ZFYVE28: variants seen among roughly 807,000 people sequenced by gnomAD.
ZFYVE28 encodes lateral signaling target protein 2 homolog.
ZFYVE28 carries 40 observed loss-of-function variants against 82.1 expected under a neutral mutation model. That is an observed-to-expected ratio of 0.49 (90% CI 0.38 to 0.63). The LOEUF is 0.63. Among genes scored for constraint, ZFYVE28 ranks in the 30% least tolerant of loss-of-function variants. The pLI is 0.00. For synonymous variants in ZFYVE28, 612 were observed against 546.1 expected, an observed-to-expected ratio of 1.12 and a Z score of -1.68; for missense variants, 1,321 against 1,242.1, an observed-to-expected ratio of 1.06 and a Z score of -0.96.
intron 8 of ZFYVE28, among the ~76,000 whole-genome samples, chr4:2,290,850 T>A (rs1198076031): frequency 1.3e-5 from 2 of 152,206 alleles, no homozygotes; most frequent in Non-Finnish European, 2.9e-5. Context: ...CAGCCCTGCC[T>A]GGCCAAGATC....
At chr4:2,331,393 G>A (rs1234609022) in intron 6 of ZFYVE28, among the ~76,000 whole-genome samples, 4 of 151,940 alleles carry the variant, frequency 2.6e-5, no homozygotes, top group Non-Finnish European at 5.9e-5. Flanking sequence ...TGTAATCCTA[G>A]CACTTTAGGA....
chr4:2,287,987 G>A (rs1713020593), intron 8 of ZFYVE28, among the ~76,000 whole-genome samples: 2 of 152,248 alleles, frequency 1.3e-5, no homozygotes, highest in South Asian at 2.1e-4. Context: ...TTAGGAACAC[G>A]AATTCCTTTA....
In ZFYVE28 at chr4:2,337,491, A is replaced by G. The variant is rs1202660396; in HGVS notation, c.527T>C (p.Val176Ala). 1 of 1,604,936 alleles carries G rather than the reference A, an allele frequency of 6.2e-7. No homozygotes were observed. The highest frequency in any genetic ancestry group is 2.2e-5 in the East Asian group (1 of 44,554). Residue 176 changes from valine to alanine, a missense_variant, in exon 5 of 13, where the codon GTC (valine) becomes GCC (alanine). By Grantham distance (64) the Val-to-Ala change is moderately conservative (BLOSUM62 0). Transcript: ENST00000290974. ...VLFAEFELSY[V>A]SAMVPVKSPR... ...GGACTTCACAGGCACCATGGCCGAGACGTAGCTGCAAACACATGGAGACCT... is the reference window on the plus strand; with the variant it reads ...GGACTTCACAGGCACCATGGCCGAGGCGTAGCTGCAAACACATGGAGACCT...
At chr4:2,397,680 C>A (rs1409289393) in intron 1 of ZFYVE28, among the ~76,000 whole-genome samples, 1 of 152,038 alleles carries the variant, frequency 6.6e-6, no homozygotes, top group Admixed American at 6.6e-5. Flanking sequence ...CAATATTAGT[C>A]CTTTTGTGAT....
chr4:2,392,564 T>G (rs1463961391), intron 1 of ZFYVE28, among the ~76,000 whole-genome samples: 1 of 152,196 alleles, frequency 6.6e-6, no homozygotes, highest in Non-Finnish European at 1.5e-5. Context: ...GATAGATTCA[T>G]CCTCTACAGT....
chr4:2,337,337 GC>G, intron 5 of ZFYVE28, 69 bp downstream of exon 5: 3 of 1,412,796 alleles, frequency 2.1e-6, no homozygotes, highest in South Asian at 2.7e-5. Flanking sequence ...GCTGCCCTCT[GC>G]CCCGGGCCTG....
intron 1 of ZFYVE28, among the ~76,000 whole-genome samples, chr4:2,413,924 G>A (rs1489471340): frequency 6.6e-6 from 1 of 152,158 alleles, no homozygotes; most frequent in Admixed American, 6.5e-5. Context: ...GTATACTTCT[G>A]GGGGATCTCT....
At chr4:2,382,831 T>C (rs1036104211) in intron 1 of ZFYVE28, among the ~76,000 whole-genome samples, 1 of 152,086 alleles carries the variant, frequency 6.6e-6, no homozygotes, top group Non-Finnish European at 1.5e-5. Context: ...TACAGTTCCA[T>C]ATGGCTGGGG....
chr4:2,364,565 C>T lies in ZFYVE28; in HGVS notation c.40-10492G>A, dbSNP rs3128827. The stretch of plus-strand genomic sequence containing the variant: ...GAGCCACGTGGGAAGGGAATTTAGA[C>T]GGTCGGCACTGGGCACAGACGCCCG... On this transcript the variant is annotated intron_variant, in intron 1 of 12. Transcript: ENST00000290974. The T allele has an allele frequency of 8.4e-5, 83 of 985,486 alleles. No individual in the cohort carries two copies. In the Middle Eastern group the frequency reaches 5.7e-3, roughly 68 times the overall value. The allele number at this position is 985,486 out of a possible 1,614,324, so 61.0% of individuals were successfully genotyped here.
intron 1 of ZFYVE28, among the ~76,000 whole-genome samples, chr4:2,380,456 G>A (rs1401217420): frequency 6.6e-6 from 1 of 152,200 alleles, no homozygotes. Flanking sequence ...TTAACGCCCT[G>A]TCAGCTGCAA....
chr4:2,339,159 G>C lies in ZFYVE28; in HGVS notation c.521+294C>G, dbSNP rs986168614. On this transcript the variant is annotated intron_variant, in intron 4 of 12. Coordinates refer to ENST00000290974, the MANE Select transcript of ZFYVE28 (RefSeq NM_020972.3). The surrounding 1 kb of genome is among the most constrained non-coding windows in gnomAD (Gnocchi z 5.0). ...CCTGTGACGTCTCTTCATCTTCCGA[G>C]GCATCATGCATGTCTGGCCCCTCGG... 2.0e-5 allele frequency among the ~76,000 whole-genome samples: 3 copies of C among 152,146 alleles called. No homozygotes were observed. Among genetic ancestry groups the C allele is most frequent in the African/African-American group, 7.2e-5 (3 of 41,422 alleles).
At chr4:2,337,324 A>C in intron 5 of ZFYVE28, 83 bp downstream of exon 5, 102 of 1,239,594 alleles carry the variant, frequency 8.2e-5, no homozygotes, top group Non-Finnish European at 1.1e-4. Context: ...AGGTTCCCCC[A>C]GAGCTGCCCT....
chr4:2,342,844 G>A (rs1236826267), intron 2 of ZFYVE28: 1 of 152,164 alleles, frequency 6.6e-6, no homozygotes, highest in African/African-American at 2.4e-5. Context: ...GGAACCAATG[G>A]GAAAGGAGAG....
In ZFYVE28 at chr4:2,311,643, T is replaced by G. The variant is rs142174611; in HGVS notation, c.804-6107A>C. Among the ~76,000 whole-genome samples, 450 of 152,380 alleles carry G rather than the reference T, an allele frequency of 3.0e-3. 4 individuals are homozygous for G. Among genetic ancestry groups the G allele is most frequent in the Non-Finnish European group, 4.0e-3 (269 of 68,036 alleles). ...TCTTTTCTCCTGCTTTCTTGAGGTA[T>G]GATAAACTTATTATTTCCTAGCTTC... On this transcript the variant is annotated intron_variant, in intron 7 of 12. Coordinates refer to ENST00000290974, the MANE Select transcript of ZFYVE28 (RefSeq NM_020972.3).
rs1394693687 is a variant in ZFYVE28, at chr4:2,274,203, C to T, written c.2065G>A (p.Gly689Arg). The T allele has an allele frequency of 7.4e-6, 12 of 1,613,284 alleles. No homozygotes were observed. The highest frequency in any genetic ancestry group is 5.0e-5 in the Admixed American group (3 of 59,992). The change falls in exon 9 of 13, where the codon GGG (glycine) becomes AGG (arginine). Residue 689 changes from glycine to arginine, a missense_variant. Gly to Arg is a moderately radical substitution (Grantham distance 125). Transcript: ENST00000290974. ...CCCATCTTGTCTGAGGAGCAGGACC[C>T]AGCTGTGGAGCTGCTGCATGGAGAA... ...ALSGSSSSTAGSCSSDKMGPE... is the reference protein window; with the variant it reads ...ALSGSSSSTARSCSSDKMGPE...
chr4:2,324,749 G>A (rs577138797), intron 6 of ZFYVE28: 4 of 159,242 alleles, frequency 2.5e-5, no homozygotes, highest in Non-Finnish European at 5.6e-5. Context: ...TTGTATCCAG[G>A]AGTAGATAAA....
intron 8 of ZFYVE28, among the ~76,000 whole-genome samples, chr4:2,274,983 G>A (rs537915475): frequency 2.6e-5 from 4 of 152,296 alleles, no homozygotes; most frequent in South Asian, 2.1e-4. Flanking sequence ...GCCAGTTTGC[G>A]GGGACAGCAG....
Position 2,274,226 on chromosome 4 carries a change from G to C in ZFYVE28, c.2052-10C>G, listed in dbSNP as rs563652621. 6.0e-5 allele frequency: 97 copies of C among 1,611,334 alleles called. 4 individuals carry two copies. The South Asian group carries it at 1.1e-3, about 18-fold the overall frequency. On this transcript the variant is annotated splice_polypyrimidine_tract_variant and intron_variant, in intron 8 of 12. Coordinates refer to ENST00000290974, the MANE Select transcript of ZFYVE28 (RefSeq NM_020972.3). Reference sequence around the variant, plus strand: ...CCCAGCTGTGGAGCTGCTGCATGGAGAAGGAGATACCGGTGTGTGGGGTGG... The same window carrying C: ...CCCAGCTGTGGAGCTGCTGCATGGACAAGGAGATACCGGTGTGTGGGGTGG...
intron 1 of ZFYVE28, among the ~76,000 whole-genome samples, chr4:2,365,411 G>T (rs945457499): frequency 6.6e-6 from 1 of 152,104 alleles, no homozygotes; most frequent in Non-Finnish European, 1.5e-5. Flanking sequence ...CTCAGTGCAC[G>T]CAGGGTAATA....
Sources: gnomAD v4.1 joint callset for allele counts (sites outside exome capture counted in the v4.1 genomes callset) on GRCh38, gnomAD v4.1.1 for gene constraint, Gnocchi (gnomAD v3.1) non-coding constraint, MANE v1.5 for transcripts, NCBI Gene and HGNC (gene_info 2026-07-23, HGNC 2026-07-21) for gene names.